TSHZ2: variants seen among roughly 807,000 people sequenced by gnomAD.
TSHZ2 encodes teashirt homolog 2.
Under a neutral mutation model 74.4 loss-of-function variants are expected in TSHZ2, and 21 were observed. That is an observed-to-expected ratio of 0.28 (90% CI 0.20 to 0.41). TSHZ2 has a LOEUF of 0.41. TSHZ2 is among the 10% of genes least tolerant of loss of function. The pLI is 1.00. For missense variants in TSHZ2, 1,244 were observed against 1,293.5 expected (o/e 0.96, Z 0.59); for synonymous variants, 540 against 515.3 (o/e 1.05, Z -0.65).
At chr20:53,466,265 A>T (rs957450073) in intron 2 of TSHZ2, among the ~76,000 whole-genome samples, 7 of 151,892 alleles carry the variant, frequency 4.6e-5, no homozygotes, top group African/African-American at 2.4e-5. Flanking sequence ...AAAAATAAAA[A>T]AAAAAAAAGA....
At chr20:53,115,940 A>C (rs536811720) in intron 1 of TSHZ2, among the ~76,000 whole-genome samples, 19 of 152,322 alleles carry the variant, frequency 1.2e-4, no homozygotes, top group Admixed American at 7.8e-4. Flanking sequence ...GTGGGTGTGG[A>C]TAAGTGATTC....
At chr20:53,183,421 C>A (rs78057857) in intron 1 of TSHZ2, among the ~76,000 whole-genome samples, 39 of 152,124 alleles carry the variant, frequency 2.6e-4, no homozygotes, top group Non-Finnish European at 1.5e-4. Flanking sequence ...CCTTTGCCTG[C>A]GGTATTTACA....
At position 53,269,879 on chromosome 20, in the gene TSHZ2, A is replaced by G. The variant is rs912644488; in HGVS notation, c.*8+13308A>G. ...TTGAGCACTGTTTGAATCACCACAT[A>G]GGTTAATTATATTATCAGTAACAAT... On this transcript the variant is annotated intron_variant, in intron 2 of 2. Coordinates refer to ENST00000371497, the MANE Select transcript of TSHZ2 (RefSeq NM_173485.6). 3.3e-5 allele frequency among the ~76,000 whole-genome samples: 5 copies of G among 152,206 alleles called. No individual in the cohort carries two copies. In the South Asian group the frequency reaches 8.3e-4, roughly 25 times the overall value.
At chr20:53,089,183 C>A (rs1294620611) in intron 1 of TSHZ2, among the ~76,000 whole-genome samples, 1 of 151,260 alleles carries the variant, frequency 6.6e-6, no homozygotes, top group African/African-American at 2.4e-5. Context: ...GTCCAATAGG[C>A]CAAAGTGTCG....
chr20:53,269,621 TATG>T (rs1321496887), intron 2 of TSHZ2, among the ~76,000 whole-genome samples: 2 of 152,150 alleles, frequency 1.3e-5, no homozygotes, highest in African/African-American at 2.4e-5. Flanking sequence ...ATGATGAGGA[TATG>T]ATGATGATTA....
chr20:53,275,413 G>T (rs1460582792), intron 2 of TSHZ2, among the ~76,000 whole-genome samples: 1 of 151,884 alleles, frequency 6.6e-6, no homozygotes, highest in Non-Finnish European at 1.5e-5. Context: ...ATTAGCAATT[G>T]CCTATAAATC....
At chr20:53,139,473 G>A (rs984575116) in intron 1 of TSHZ2, among the ~76,000 whole-genome samples, 6 of 152,122 alleles carry the variant, frequency 3.9e-5, no homozygotes, top group East Asian at 1.9e-4. Context: ...TTTGCCCTGC[G>A]TTTACTCTGC....
At chr20:53,239,956 T>C (rs1375550860) in intron 1 of TSHZ2, among the ~76,000 whole-genome samples, 2 of 152,126 alleles carry the variant, frequency 1.3e-5, no homozygotes, top group East Asian at 3.8e-4. Flanking sequence ...AGCTCTCAGT[T>C]GCAAGGAACT....
intron 1 of TSHZ2, among the ~76,000 whole-genome samples, chr20:53,134,385 A>G (rs1987188399): frequency 1.3e-5 from 2 of 152,252 alleles, no homozygotes; most frequent in South Asian, 4.1e-4. Context: ...AAAGAAAACA[A>G]TATATGTTTT....
chr20:53,173,928 C>A (rs1988261986), intron 1 of TSHZ2, among the ~76,000 whole-genome samples: 1 of 152,052 alleles, frequency 6.6e-6, no homozygotes, highest in Non-Finnish European at 1.5e-5. Flanking sequence ...TTTACAAAGT[C>A]CATGTGATAC....
intron 2 of TSHZ2, among the ~76,000 whole-genome samples, chr20:53,284,662 C>CA (rs1991130183): frequency 6.6e-6 from 1 of 152,040 alleles, no homozygotes; most frequent in Non-Finnish European, 1.5e-5. Flanking sequence ...CACGGGAAAA[C>CA]ATATTACTTT....
intron 2 of TSHZ2, among the ~76,000 whole-genome samples, chr20:53,330,519 C>G (rs1434696925): frequency 6.6e-6 from 1 of 152,190 alleles, no homozygotes; most frequent in Non-Finnish European, 1.5e-5. Context: ...CCGATATGAT[C>G]CAACAGTCCT....
At chr20:53,269,797 T>TAA (rs55746415) in intron 2 of TSHZ2, among the ~76,000 whole-genome samples, 13,462 of 144,090 alleles carry the variant, frequency 0.093, 587 homozygotes, top group East Asian at 0.11. Context: ...TAGAGTATAA[T>TAA]AAAAAAAAAA....
At chr20:53,431,797 C>T (rs897919638) in intron 2 of TSHZ2, among the ~76,000 whole-genome samples, 3 of 152,142 alleles carry the variant, frequency 2.0e-5, no homozygotes, top group Non-Finnish European at 2.9e-5. Flanking sequence ...CTCTAAGTGT[C>T]TACTATGTGC....
At chr20:53,301,452 T>C (rs558238697) in intron 2 of TSHZ2, among the ~76,000 whole-genome samples, 1 of 152,348 alleles carries the variant, frequency 6.6e-6, no homozygotes, top group African/African-American at 2.4e-5. Flanking sequence ...TTTAAAAATA[T>C]GTTTATCTAC....
chr20:53,420,588 T>A (rs967855297), intron 2 of TSHZ2, among the ~76,000 whole-genome samples: 1 of 151,918 alleles, frequency 6.6e-6, no homozygotes, highest in Non-Finnish European at 1.5e-5. Context: ...TAGCCGGGCT[T>A]AGTGGCGGGC....
intron 1 of TSHZ2, among the ~76,000 whole-genome samples, chr20:53,222,220 C>A (rs1257539619): frequency 6.6e-6 from 1 of 151,926 alleles, no homozygotes; most frequent in African/African-American, 2.4e-5. Flanking sequence ...CCTCTTCTGA[C>A]AAATGACTTT....
chr20:53,165,334 C>T (rs1988041110), intron 1 of TSHZ2, among the ~76,000 whole-genome samples: 1 of 152,190 alleles, frequency 6.6e-6, no homozygotes, highest in Non-Finnish European at 1.5e-5. Context: ...TTACACAGGC[C>T]ATGTTTGAAC....
intron 1 of TSHZ2, among the ~76,000 whole-genome samples, chr20:53,188,844 T>A (rs1387703183): frequency 6.6e-6 from 1 of 152,214 alleles, no homozygotes; most frequent in African/African-American, 2.4e-5. Context: ...AGTACTTATA[T>A]GTATCAATAT....
Sources: gnomAD v4.1 joint callset for allele counts (sites outside exome capture counted in the v4.1 genomes callset) on GRCh38, gnomAD v4.1.1 for gene constraint, MANE v1.5 for transcripts, NCBI Gene and HGNC (gene_info 2026-07-23, HGNC 2026-07-21) for gene names.